The following PRIM2 variants were observed in gnomAD, a reference collection of about 807,000 sequenced individuals.
PRIM2 encodes DNA primase large subunit.
Under a neutral mutation model 67.3 loss-of-function variants are expected in PRIM2, and 39 were observed. The observed-to-expected ratio is 0.58, with a 90% CI of 0.45 to 0.76. PRIM2 has a LOEUF of 0.76. PRIM2 is among the 30% of genes least tolerant of loss of function. The pLI is 0.00. For missense variants in PRIM2, 398 were observed against 598.7 expected (o/e 0.66, Z 3.50); for synonymous variants, 143 against 198.7 (o/e 0.72, Z 2.36).
At chr6:57,360,778 C>G (rs1769168974) in intron 5 of PRIM2, among the ~76,000 whole-genome samples, 1 of 152,328 alleles carries the variant, frequency 6.6e-6, no homozygotes, top group African/African-American at 2.4e-5. Flanking sequence ...TCTTATTTCT[C>G]TCTACAAAAT....
chr6:57,564,276 A>G (rs1775694404), intron 10 of PRIM2, among the ~76,000 whole-genome samples: 1 of 152,212 alleles, frequency 6.6e-6, no homozygotes, highest in Non-Finnish European at 1.5e-5. Context: ...AATCCAAAAC[A>G]TACAGTTTAT....
intron 8 of PRIM2, among the ~76,000 whole-genome samples, chr6:57,519,725 A>C (rs1206164239): frequency 1.3e-5 from 2 of 152,206 alleles, no homozygotes; most frequent in Non-Finnish European, 2.9e-5. Flanking sequence ...TAAGAGATTA[A>C]AGTAAAGACA....
At chr6:57,394,343 G>A (rs1335081035) in intron 7 of PRIM2, among the ~76,000 whole-genome samples, 1 of 152,130 alleles carries the variant, frequency 6.6e-6, no homozygotes, top group African/African-American at 2.4e-5. Context: ...TCTTTCAACA[G>A]TGTTTTGCGG....
At chr6:57,628,614 A>C (rs2127498795) in intron 12 of PRIM2, among the ~76,000 whole-genome samples, 1 of 152,226 alleles carries the variant, frequency 6.6e-6, no homozygotes, top group African/African-American at 2.4e-5. Context: ...ATAGTACCTG[A>C]TAGGTAGCTT....
chr6:57,646,647 G>T lies in PRIM2; in HGVS notation c.*489G>T, dbSNP rs1246704629. ...TCACTATATTTTGCTTTGACAGAAG[G>T]AAAGAGGAGGAGTTTCTATTAAAAT... On this transcript the variant is annotated 3_prime_UTR_variant, in exon 14 of 14. Coordinates refer to ENST00000615550, the MANE Select transcript of PRIM2 (RefSeq NM_000947.5). 1.3e-5 allele frequency: 2 copies of T among 152,532 alleles called. No homozygotes were observed. Among genetic ancestry groups the T allele is most frequent in the Non-Finnish European group, 2.9e-5 (2 of 68,350 alleles). The allele number at this position is 152,532 out of a possible 1,614,324, so 9.4% of individuals were successfully genotyped here.
At chr6:57,260,680 A>G in the PRIM2 span, among the ~76,000 whole-genome samples, 2 of 152,330 alleles carry the variant, frequency 1.3e-5, no homozygotes, top group African/African-American at 4.8e-5. Context: ...CCATGGGTGC[A>G]TGGTTGTTGG....
chr6:57,251,525 C>T, the PRIM2 span, among the ~76,000 whole-genome samples: 41 of 152,274 alleles, frequency 2.7e-4, no homozygotes, highest in African/African-American at 9.6e-4. Flanking sequence ...TTCTAGAAGA[C>T]AAAATCTGAC....
the PRIM2 span, among the ~76,000 whole-genome samples, chr6:57,274,357 C>A: frequency 6.6e-6 from 1 of 152,224 alleles, no homozygotes; most frequent in African/African-American, 2.4e-5. Context: ...CTCCCTGCGG[C>A]CTTGCAGTTT....
At chr6:57,515,136 C>G (rs1774455920) in intron 8 of PRIM2, among the ~76,000 whole-genome samples, 1 of 152,072 alleles carries the variant, frequency 6.6e-6, no homozygotes, top group Non-Finnish European at 1.5e-5. Context: ...CTTAATATAA[C>G]TAGGTAATAA....
chr6:57,261,784 T>G, the PRIM2 span, among the ~76,000 whole-genome samples: 6 of 152,188 alleles, frequency 3.9e-5, no homozygotes, highest in Non-Finnish European at 1.5e-5. Context: ...GCCACCTCTC[T>G]GGAAGGCTCC....
intron 10 of PRIM2, among the ~76,000 whole-genome samples, 188 bp from the exon 11 acceptor site, chr6:57,600,905 A>T (rs1192866197): frequency 3.3e-5 from 5 of 152,096 alleles, no homozygotes; most frequent in Admixed American, 2.6e-4. Context: ...ACCTTTTTTT[A>T]AAAAAGAAAT....
At chr6:57,331,016 A>G (rs1337805377) in intron 5 of PRIM2, among the ~76,000 whole-genome samples, 1 of 151,886 alleles carries the variant, frequency 6.6e-6, no homozygotes, top group Non-Finnish European at 1.5e-5. Context: ...CCCCGTCTCT[A>G]CTAAAAAAAA....
chr6:57,553,143 A>G (rs2127475528), intron 10 of PRIM2, among the ~76,000 whole-genome samples: 1 of 152,278 alleles, frequency 6.6e-6, no homozygotes, highest in Non-Finnish European at 1.5e-5. Context: ...TTCACAGGAA[A>G]TGTGTGGATT....
the PRIM2 span, among the ~76,000 whole-genome samples, chr6:57,305,871 T>A: frequency 6.6e-6 from 1 of 152,210 alleles, no homozygotes; most frequent in Non-Finnish European, 1.5e-5. Flanking sequence ...TGCTCTAAGC[T>A]GGCATGAATA....
At chr6:57,476,821 C>T (rs1475083828) in intron 7 of PRIM2, among the ~76,000 whole-genome samples, 1 of 151,976 alleles carries the variant, frequency 6.6e-6, no homozygotes, top group Non-Finnish European at 1.5e-5. Flanking sequence ...GATCTCGGCT[C>T]ACTGCAACCT....
At chr6:57,279,502 G>T in the PRIM2 span, among the ~76,000 whole-genome samples, 1 of 152,104 alleles carries the variant, frequency 6.6e-6, no homozygotes, top group Non-Finnish European at 1.5e-5. Flanking sequence ...CATGACTGCT[G>T]GAACCACCTA....
intron 7 of PRIM2, among the ~76,000 whole-genome samples, chr6:57,446,492 C>T (rs1302427935): frequency 7.0e-6 from 1 of 143,164 alleles, no homozygotes; most frequent in East Asian, 2.1e-4. Context: ...CGGCTCACTG[C>T]AACCTGTGCT....
chr6:57,263,260 A>G, the PRIM2 span, among the ~76,000 whole-genome samples: 1 of 152,198 alleles, frequency 6.6e-6, no homozygotes, highest in Non-Finnish European at 1.5e-5. Context: ...TGGTTATAAT[A>G]TACCAAGAAT....
chr6:57,431,275 G>A (rs5002584), intron 7 of PRIM2, among the ~76,000 whole-genome samples: 1 of 151,060 alleles, frequency 6.6e-6, no homozygotes, highest in East Asian at 1.9e-4. Flanking sequence ...TCTGGTGGTC[G>A]CATAACCTAA....
Sources: allele counts gnomAD v4.1 joint callset (sites outside exome capture counted in the v4.1 genomes callset), GRCh38; gene constraint gnomAD v4.1.1; transcripts MANE v1.5; gene names NCBI Gene and HGNC (gene_info 2026-07-23, HGNC 2026-07-21).